The following PAX6 variants were observed in gnomAD, a reference collection of about 807,000 sequenced individuals.
The protein encoded by PAX6 is paired box protein Pax-6.
A neutral mutation model predicts 60.7 loss-of-function variants in PAX6; 7 were observed. The ratio of observed to expected loss-of-function variants is 0.12; its 90% CI spans 0.07 to 0.22. PAX6 has a LOEUF of 0.22. Among genes scored for constraint, PAX6 ranks in the 10% least tolerant of loss-of-function variants. The pLI is 1.00. For synonymous variants in PAX6, 208 were observed against 201.2 expected, an observed-to-expected ratio of 1.03 and a Z score of -0.29; for missense variants, 355 against 555.2, an observed-to-expected ratio of 0.64 and a Z score of 3.62.
chr11:31,812,300 C>CTGTGTG (rs1202428562), upstream of PAX6: 2,783 of 109,982 alleles, frequency 0.025, 45 homozygotes, highest in Middle Eastern at 0.058. Context: ...CTCTCTCTCT[C>CTGTGTG]TCTGTGTGTG....
rs200391530 is a variant in PAX6 at position 31,789,577 on chromosome 11, T to TA, written c.*356dup. 0.15 allele frequency: 63,224 copies of TA among 434,494 alleles called. 11 individuals are homozygous for TA. The highest frequency in any genetic ancestry group is 0.18 in the South Asian group (6,345 of 34,576). The allele number at this position is 434,494 out of a possible 1,614,324, so 26.9% of individuals were successfully genotyped here. A position where few individuals can be genotyped will look rare whatever the true frequency, so the allele number is the denominator to read the frequency against. On this transcript the variant is annotated 3_prime_UTR_variant, in exon 14 of 14. Transcript: ENST00000640368. ...AGCTTGTTGATCATGGTTTTCTTTT[T>TA]AAAAAAAAAAAAAACAACTTCATGA...
At position 31,790,384 on chromosome 11, in the gene PAX6, A is replaced by C. The variant is rs1323811594; in HGVS notation, c.1225+326T>G. The C allele has an allele frequency of 5.0e-6, 6 of 1,200,480 alleles. No individual in the cohort carries two copies. In the Admixed American group the frequency reaches 2.0e-4, roughly 41 times the overall value. The allele number at this position is 1,200,480 out of a possible 1,614,324, so 74.4% of individuals were successfully genotyped here. ...TAGAGGAGCTATGAGGGCAAGAAGCATTTCAACAAGCACGCACCTACAGCT... is the reference window on the plus strand; with the variant it reads ...TAGAGGAGCTATGAGGGCAAGAAGCCTTTCAACAAGCACGCACCTACAGCT... On this transcript the variant is annotated intron_variant, in intron 13 of 13. Transcript: ENST00000640368.
At position 31,800,809 on chromosome 11, in the gene PAX6, T is replaced by C. The variant is rs1275306142; in HGVS notation, c.447A>G (p.Gln149=). The part of the protein sequence containing the change: ...RVLRNLASEK[Q]QMGADGMYDK... ...CATACATGCCGTCTGCGCCCATCTGTTGCTTTTCGCTAGCCAGGTTGCGAA... is the reference window on the plus strand; with the variant it reads ...CATACATGCCGTCTGCGCCCATCTGCTGCTTTTCGCTAGCCAGGTTGCGAA... Residue 149 remains glutamine, a synonymous_variant, in exon 8 of 14, where the codon CAA becomes CAG. Coordinates refer to ENST00000640368, the MANE Select transcript of PAX6 (RefSeq NM_001368894.2). 1 of 1,614,208 alleles carries C rather than the reference T, an allele frequency of 6.2e-7. No homozygotes were observed. The highest frequency in any genetic ancestry group is 1.1e-5 in the South Asian group (1 of 91,082).
intron 8 of PAX6, among the ~76,000 whole-genome samples, chr11:31,796,546 G>T (rs968801250): frequency 2.7e-5 from 4 of 145,954 alleles, no homozygotes; most frequent in Non-Finnish European, 6.0e-5. Flanking sequence ...ACCAGGGCTG[G>T]GTTCCTACAT....
At chr11:31,807,326 C>T (rs1186498079) in intron 2 of PAX6, 1 of 152,640 alleles carries the variant, frequency 6.6e-6, no homozygotes, top group Non-Finnish European at 1.5e-5. Context: ...AACCTTGGAA[C>T]TTCCTGGTGC....
chr11:31,803,081 A>G, intron 4 of PAX6: 1 of 533,200 alleles, frequency 1.9e-6, no homozygotes, highest in Non-Finnish European at 3.3e-6. Context: ...CAGGACCACC[A>G]GCCATGCCAG....
intron 8 of PAX6, among the ~76,000 whole-genome samples, chr11:31,796,251 TG>T (rs1951473377): frequency 6.6e-6 from 1 of 152,108 alleles, no homozygotes; most frequent in African/African-American, 2.4e-5. Context: ...ATTAAACTCC[TG>T]GGGCAGGAGC....
intron 1 of PAX6, chr11:31,816,694 G>A: frequency 1.8e-6 from 1 of 551,776 alleles, no homozygotes; most frequent in Non-Finnish European, 3.1e-6. Context: ...CAGGTGAGGT[G>A]AGCAGGGGGC....
intron 2 of PAX6, chr11:31,810,464 T>G: frequency 6.0e-6 from 1 of 166,116 alleles, no homozygotes; most frequent in Middle Eastern, 2.6e-3. Context: ...CTCTTCGTCT[T>G]TTCCCGCGGG....
At chr11:31,815,785 A>AG (rs1374046696), upstream of PAX6, among the ~76,000 whole-genome samples, 1 of 151,882 alleles carries the variant, frequency 6.6e-6, no homozygotes, top group Non-Finnish European at 1.5e-5. Context: ...AAAAAAAAAA[A>AG]AAGTATTTTC....
upstream of PAX6, chr11:31,816,320 A>G (rs1957371954): frequency 3.9e-6 from 2 of 517,476 alleles, no homozygotes; most frequent in East Asian, 3.2e-5. Flanking sequence ...GGGTCTGAGG[A>G]AAAAAAGACA....
At chr11:31,793,953 C>T (rs1398720662) in intron 10 of PAX6, 79 bp downstream of exon 10, 1 of 1,253,856 alleles carries the variant, frequency 8.0e-7, no homozygotes, top group Non-Finnish European at 1.2e-6. Context: ...ATAAATAGTA[C>T]TCTGTACAAG....
At chr11:31,795,623 G>A (rs1157203283) in intron 8 of PAX6, among the ~76,000 whole-genome samples, 3 of 152,232 alleles carry the variant, frequency 2.0e-5, no homozygotes, top group Admixed American at 6.5e-5. Context: ...TGAATCTTTG[G>A]CATATCATTT....
chr11:31,801,641 C>T lies in PAX6; in HGVS notation c.319G>A (p.Glu107Lys). The change falls in exon 7 of 14, where the codon GAG becomes AAG. Residue 107 changes from glutamate to lysine, a missense_variant. Physicochemically the swap from Glu to Lys is moderately conservative, Grantham distance 56 (BLOSUM62 1). Transcript: ENST00000640368. ...TCCCAAGCAAAGATGGACGGGCACTCCCGCTTATACTGGGCTATTTTGCTT... is the reference window on the plus strand; with the variant it reads ...TCCCAAGCAAAGATGGACGGGCACTTCCGCTTATACTGGGCTATTTTGCTT... ...VVSKIAQYKR[E>K]CPSIFAWEIR... 1 of 1,614,146 alleles carries T rather than the reference C, an allele frequency of 6.2e-7. No individual in the cohort carries two copies. Among genetic ancestry groups the T allele is most frequent in the Non-Finnish European group, 8.5e-7 (1 of 1,180,038 alleles).
upstream of PAX6, chr11:31,816,150 C>T (rs555813000): frequency 2.7e-4 from 43 of 157,266 alleles, no homozygotes; most frequent in Admixed American, 1.1e-3. Context: ...GTTTGTGCAG[C>T]GAGAGTGACT....
At chr11:31,799,893 C>T (rs1399728987) in intron 8 of PAX6, among the ~76,000 whole-genome samples, 1 of 152,164 alleles carries the variant, frequency 6.6e-6, no homozygotes, top group Non-Finnish European at 1.5e-5. Context: ...CTATTCTTGA[C>T]CAAGCTACCT....
intron 12 of PAX6, chr11:31,791,169 C>G: frequency 2.3e-6 from 1 of 442,194 alleles, no homozygotes; most frequent in South Asian, 2.1e-5. Flanking sequence ...CTGCTAGCAT[C>G]TTTGAAGAAC....
intron 5 of PAX6, 132 bp from the exon 6 acceptor site, chr11:31,802,044 AT>A: frequency 3.8e-6 from 3 of 782,816 alleles, no homozygotes; most frequent in Non-Finnish European, 4.2e-6. Flanking sequence ...TAAAAAACGA[AT>A]TTAAAAGCTT....
chr11:31,816,341 G>C, intron 1 of PAX6: 1 of 547,662 alleles, frequency 1.8e-6, no homozygotes, highest in South Asian at 2.6e-5. Flanking sequence ...AGCCTATCAC[G>C]GGCGCCCTCC....
Sources: allele counts gnomAD v4.1 joint callset (sites outside exome capture counted in the v4.1 genomes callset), GRCh38; gene constraint gnomAD v4.1.1; transcripts MANE v1.5; gene names NCBI Gene and HGNC (gene_info 2026-07-23, HGNC 2026-07-21).